The following HSPA4L variants were observed in gnomAD, a reference collection of about 807,000 sequenced individuals.
The protein encoded by HSPA4L is heat shock 70 kDa protein 4L.
A neutral mutation model predicts 100.3 loss-of-function variants in HSPA4L; 48 were observed. The observed-to-expected ratio is 0.48, with a 90% CI of 0.38 to 0.61. The LOEUF is 0.61. HSPA4L is among the 20% of genes least tolerant of loss of function. The pLI is 0.00. For synonymous variants in HSPA4L, 319 were observed against 328.2 expected (o/e 0.97, Z 0.30); for missense variants, 886 against 988.6 (o/e 0.90, Z 1.39).
At position 127,838,713 on chromosome 4, in the gene HSPA4L, C is replaced by T. The variant is rs1293733055; in HGVS notation, c.*5839C>T. ...TGATCTTTGTCTTTCCTTTATCTTG[C>T]TTTATCCTCTTATCCAATTCTAGAC... On this transcript the variant is annotated 3_prime_UTR_variant, in exon 19 of 19. Coordinates refer to ENST00000296464, the MANE Select transcript of HSPA4L (RefSeq NM_014278.4). 2.0e-5 allele frequency: 3 copies of T among 152,190 alleles called. No individual in the cohort carries two copies. In the East Asian group the frequency reaches 5.8e-4, roughly 29 times the overall value. The allele number at this position is 152,190 out of a possible 1,614,324, so 9.4% of individuals were successfully genotyped here.
At chr4:127,816,289 T>C (rs1299412338) in intron 12 of HSPA4L, among the ~76,000 whole-genome samples, 1 of 152,218 alleles carries the variant, frequency 6.6e-6, no homozygotes, top group Non-Finnish European at 1.5e-5. Flanking sequence ...ATTATCCCAC[T>C]ATTGATAATA....
chr4:127,814,946 A>C (rs1163146678), intron 12 of HSPA4L, among the ~76,000 whole-genome samples: 1 of 152,198 alleles, frequency 6.6e-6, no homozygotes, highest in Non-Finnish European at 1.5e-5. Context: ...TACCATTATA[A>C]AGTAGTCTCC....
At chr4:127,827,536 C>A in intron 17 of HSPA4L, 112 bp downstream of exon 17, 1 of 1,222,348 alleles carries the variant, frequency 8.2e-7, no homozygotes, top group Non-Finnish European at 1.1e-6. Flanking sequence ...CTATCAAATT[C>A]CAGAGACTTT....
At chr4:127,782,758 A>T in intron 1 of HSPA4L, 101 bp downstream of exon 1, 2 of 855,844 alleles carry the variant, frequency 2.3e-6, no homozygotes, top group Admixed American at 2.9e-5. Flanking sequence ...TTTTCCCCTA[A>T]CGTGCGCCGA....
At chr4:127,803,386 A>G (rs986095454) in intron 6 of HSPA4L, among the ~76,000 whole-genome samples, 2 of 152,154 alleles carry the variant, frequency 1.3e-5, no homozygotes, top group Non-Finnish European at 2.9e-5. Flanking sequence ...TTTCTGAATT[A>G]GAATTCTTTT....
At chr4:127,782,079 C>T, upstream of HSPA4L, 1 of 455,594 alleles carries the variant, frequency 2.2e-6, no homozygotes, top group South Asian at 1.6e-5. Flanking sequence ...GCCTCCTTTC[C>T]CCGATCCTCC....
At chr4:127,782,803 G>A (rs909942304) in intron 1 of HSPA4L, 146 bp downstream of exon 1, 11 of 606,298 alleles carry the variant, frequency 1.8e-5, no homozygotes, top group Non-Finnish European at 2.9e-5. Flanking sequence ...GTCAACCGCA[G>A]TCCCTAGAGA....
chr4:127,784,350 A>G (rs1376063573), intron 1 of HSPA4L, among the ~76,000 whole-genome samples: 1 of 152,190 alleles, frequency 6.6e-6, no homozygotes, highest in African/African-American at 2.4e-5. Flanking sequence ...CAGTGAGTGA[A>G]CCTGTGATTC....
intron 1 of HSPA4L, among the ~76,000 whole-genome samples, chr4:127,783,350 A>C (rs1732621612): frequency 6.6e-6 from 1 of 152,082 alleles, no homozygotes; most frequent in Admixed American, 6.5e-5. Flanking sequence ...TAACTACGTC[A>C]GTTGCTGGAA....
rs1197168143 is a variant in HSPA4L, at chr4:127,836,595, G to A, written c.*3721G>A. The A allele has an allele frequency of 6.6e-6, 1 of 151,532 alleles. No individual in the cohort carries two copies. Among genetic ancestry groups the A allele is most frequent in the South Asian group, 2.1e-4 (1 of 4,816 alleles). The allele number at this position is 151,532 out of a possible 1,614,324, so 9.4% of individuals were successfully genotyped here. On this transcript the variant is annotated 3_prime_UTR_variant, in exon 19 of 19. Transcript: ENST00000296464. ...TAGAAGTCTTTAAAGAGAATTTTGG[G>A]GCTCAATAATTTAACATAATGTCAG...
In HSPA4L at chr4:127,835,792, AGG is replaced by A. The variant is rs939323391; in HGVS notation, c.*2919_*2920del. 4 of 152,098 alleles carry A rather than the reference AGG, an allele frequency of 2.6e-5. No homozygotes were observed. Among genetic ancestry groups the A allele is most frequent in the Admixed American group, 2.6e-4 (4 of 15,266 alleles). The allele number at this position is 152,098 out of a possible 1,614,324, so 9.4% of individuals were successfully genotyped here. On this transcript the variant is annotated 3_prime_UTR_variant, in exon 19 of 19. Coordinates refer to ENST00000296464, the MANE Select transcript of HSPA4L (RefSeq NM_014278.4). ...ATAACAGATAAACTTGATTTTGAAA[AGG>A]ATAACAAGGCTGGGCACAGTGACTC... is the stretch of plus-strand genomic sequence containing the variant.
rs1732951401 is a variant in HSPA4L at position 127,794,086 on chromosome 4, A to G, written c.117A>G (p.Ile39Met). 6.2e-7 allele frequency: 1 copy of G among 1,610,064 alleles called. No homozygotes were observed. Among genetic ancestry groups the G allele is most frequent in the East Asian group, 2.2e-5 (1 of 44,658 alleles). ...TGTTTTTCTGGTTTAGGGCCTGTAT[A>G]TCATTGGGATCAAGAACTCGAGCCA... is the stretch of plus-strand genomic sequence containing the variant. Reference protein sequence around the residue: ...EYSDRCTPACISLGSRTRAIG... With the variant: ...EYSDRCTPACMSLGSRTRAIG... Residue 39 changes from isoleucine to methionine, a missense_variant, in exon 2 of 19, where the codon ATA becomes ATG. Transcript: ENST00000296464.
At chr4:127,824,041 A>C (rs372306131) in intron 16 of HSPA4L, among the ~76,000 whole-genome samples, 2 of 152,170 alleles carry the variant, frequency 1.3e-5, no homozygotes, top group Non-Finnish European at 2.9e-5. Flanking sequence ...CAATTCTACT[A>C]TCTGATTCTA....
Position 127,801,876 on chromosome 4 carries a change from C to T in HSPA4L, c.621C>T (p.Ala207=). The change falls in exon 6 of 19, where the codon GCC becomes GCT. Residue 207 remains alanine, a synonymous_variant. Transcript: ENST00000296464. ...NVVFIDMGHS[A]YQVLVCAFNK... is the part of the protein sequence containing the mutation. ...TATTTATTGATATGGGACATTCTGCCTATCAGGTCTTGGTTTGTGCTTTTA... is the reference window on the plus strand; with the variant it reads ...TATTTATTGATATGGGACATTCTGCTTATCAGGTCTTGGTTTGTGCTTTTA... The T allele has an allele frequency of 6.2e-7, 1 of 1,608,878 alleles. No homozygotes were observed.
chr4:127,804,333 C>T (rs752698915), intron 8 of HSPA4L, among the ~76,000 whole-genome samples: 2 of 151,858 alleles, frequency 1.3e-5, no homozygotes, highest in Non-Finnish European at 2.9e-5. Context: ...TGGCCAAGCA[C>T]GGTGGATCAT....
rs182709604 is a variant in HSPA4L at position 127,810,559 on chromosome 4, A to T, written c.1379-878A>T. Among the ~76,000 whole-genome samples, 66 of 152,172 alleles carry T rather than the reference A, an allele frequency of 4.3e-4. No homozygotes were observed. The East Asian group carries it at 0.012, about 28-fold the overall frequency. The stretch of plus-strand genomic sequence containing the variant: ...GATTGCTTGAGCCCAGGAGTTCAAG[A>T]CCAGCCTGGGCAACATAGTGAGACC... On this transcript the variant is annotated intron_variant, in intron 11 of 18. Coordinates refer to ENST00000296464, the MANE Select transcript of HSPA4L (RefSeq NM_014278.4).
intron 17 of HSPA4L, 45 bp downstream of exon 17, chr4:127,827,469 G>A (rs1321859243): frequency 1.9e-6 from 3 of 1,608,404 alleles, no homozygotes; most frequent in Non-Finnish European, 2.6e-6. Context: ...CATGTGCATG[G>A]TACATAGAAT....
rs1257478552 is a variant in HSPA4L at position 127,836,598 on chromosome 4, T to G, written c.*3724T>G. ...AAGTCTTTAAAGAGAATTTTGGGGC[T>G]CAATAATTTAACATAATGTCAGTGT... On this transcript the variant is annotated 3_prime_UTR_variant, in exon 19 of 19. Transcript: ENST00000296464. The G allele has an allele frequency of 6.6e-6, 1 of 151,904 alleles. No individual in the cohort carries two copies. The highest frequency in any genetic ancestry group is 1.9e-4 in the East Asian group (1 of 5,186). The allele number at this position is 151,904 out of a possible 1,614,324, so 9.4% of individuals were successfully genotyped here. A position where few individuals can be genotyped will look rare whatever the true frequency, so the allele number is the denominator to read the frequency against.
intron 12 of HSPA4L, among the ~76,000 whole-genome samples, chr4:127,817,805 G>T (rs1425769917): frequency 6.6e-6 from 1 of 151,880 alleles, no homozygotes; most frequent in African/African-American, 2.4e-5. Flanking sequence ...ATTTTCTTGT[G>T]TTATTTATAA....
Sources: allele counts gnomAD v4.1 joint callset (sites outside exome capture counted in the v4.1 genomes callset), GRCh38; gene constraint gnomAD v4.1.1; transcripts MANE v1.5; gene names NCBI Gene and HGNC (gene_info 2026-07-23, HGNC 2026-07-21).